DGKG: variants seen among roughly 807,000 people sequenced by gnomAD.
DGKG encodes DAG kinase gamma.
In DGKG, 78 loss-of-function variants were observed where a neutral mutation model predicts 105.3. The observed-to-expected ratio is 0.74, with a 90% CI of 0.62 to 0.89. The LOEUF (loss-of-function observed/expected upper bound fraction) is 0.89. Ranked by LOEUF, DGKG falls within the 40% of genes least tolerant of loss-of-function variation. The probability of loss-of-function intolerance (pLI) is 0.00; values close to 1 mark genes in which losing one functional copy is unlikely to be tolerated. For missense variants in DGKG, 958 were observed against 1,020.1 expected, an observed-to-expected ratio of 0.94 and a Z score of 0.83; for synonymous variants, 346 against 367.1, an observed-to-expected ratio of 0.94 and a Z score of 0.66.
At chr3:186,341,195 G>A (rs1726069111) in intron 1 of DGKG, among the ~76,000 whole-genome samples, 1 of 152,188 alleles carries the variant, frequency 6.6e-6, no homozygotes, top group African/African-American at 2.4e-5. Context: ...GGGATTCTGG[G>A]ATAACAAAGA....
chr3:186,325,546 A>G lies in DGKG; in HGVS notation c.-248-4839T>C, dbSNP rs7622990. 3.1e-3 allele frequency among the ~76,000 whole-genome samples: 467 copies of G among 152,238 alleles called. 2 individuals are homozygous for G. The highest frequency in any genetic ancestry group is 0.011 in the African/African-American group (448 of 41,544). On this transcript the variant is annotated intron_variant, in intron 1 of 24. Coordinates refer to ENST00000265022, the MANE Select transcript of DGKG (RefSeq NM_001346.3). ...TTATCCACTAGTTTTAGCGTCCACTAATGATTATTGCCTGGATTAATTATT... is the reference window on the plus strand; with the variant it reads ...TTATCCACTAGTTTTAGCGTCCACTGATGATTATTGCCTGGATTAATTATT...
At chr3:186,298,363 G>A in intron 3 of DGKG, 134 bp from the exon 4 acceptor site, 1 of 810,780 alleles carries the variant, frequency 1.2e-6, no homozygotes, top group Non-Finnish European at 1.9e-6. Flanking sequence ...AGGAGCTGAT[G>A]GGGACAGGAA....
At chr3:186,172,703 C>A (rs1243885810) in intron 22 of DGKG, among the ~76,000 whole-genome samples, 2 of 152,204 alleles carry the variant, frequency 1.3e-5, no homozygotes, top group Admixed American at 6.5e-5. Flanking sequence ...TAATAAATAG[C>A]CACTGATAGA....
intron 22 of DGKG, among the ~76,000 whole-genome samples, chr3:186,173,361 T>C (rs950878009): frequency 6.6e-6 from 1 of 152,262 alleles, no homozygotes; most frequent in African/African-American, 2.4e-5. Context: ...TCCCTTATCA[T>C]TGTGCTACTG....
chr3:186,149,357 G>T lies in DGKG; in HGVS notation c.*733C>A, dbSNP rs55948433. The T allele has an allele frequency of 4.8e-4, 475 of 985,350 alleles. 1 individual carries two copies. The African/African-American group carries it at 7.8e-3, about 16-fold the overall frequency. The allele number at this position is 985,350 out of a possible 1,614,324, so 61.0% of individuals were successfully genotyped here. On this transcript the variant is annotated 3_prime_UTR_variant, in exon 25 of 25. Coordinates refer to ENST00000265022, the MANE Select transcript of DGKG (RefSeq NM_001346.3). ...TAAGAAAATAAATACCACATCTAAG[G>T]TGTGCTATGCAGGCAGCTCTGGGGG... is the stretch of plus-strand genomic sequence containing the variant.
At chr3:186,320,201 T>C (rs1725014171) in intron 2 of DGKG, among the ~76,000 whole-genome samples, 192 bp downstream of exon 2, 1 of 152,246 alleles carries the variant, frequency 6.6e-6, no homozygotes, top group African/African-American at 2.4e-5. Context: ...GAGCACGTAG[T>C]ATTTACTGAG....
chr3:186,258,929 G>A (rs532119103), intron 16 of DGKG, among the ~76,000 whole-genome samples: 35 of 152,242 alleles, frequency 2.3e-4, no homozygotes, highest in African/African-American at 7.9e-4. Flanking sequence ...AAGAACCTCT[G>A]CTTTAGAATG....
intron 20 of DGKG, among the ~76,000 whole-genome samples, chr3:186,235,586 AT>A (rs1560107942): frequency 6.6e-6 from 1 of 152,214 alleles, no homozygotes; most frequent in Non-Finnish European, 1.5e-5. Flanking sequence ...GAAGGGTTTC[AT>A]TTTTAGATAT....
At chr3:186,352,655 C>T (rs188945578) in intron 1 of DGKG, among the ~76,000 whole-genome samples, 56 of 152,238 alleles carry the variant, frequency 3.7e-4, no homozygotes, top group South Asian at 6.2e-4. Context: ...CCACCTTTGG[C>T]TTCTCTGCCT....
At chr3:186,188,990 T>G (rs904091576) in intron 21 of DGKG, among the ~76,000 whole-genome samples, 2 of 151,942 alleles carry the variant, frequency 1.3e-5, no homozygotes, top group Admixed American at 1.3e-4. Context: ...AGTTTTTGTA[T>G]TTTTAGTAGA....
At chr3:186,288,967 A>G in intron 5 of DGKG, 87 bp from the exon 6 acceptor site, 1 of 1,336,172 alleles carries the variant, frequency 7.5e-7, no homozygotes, top group Non-Finnish European at 1.0e-6. Context: ...TTTTCATGGT[A>G]GAGGCAAGAA....
chr3:186,200,208 A>G (rs1718380997), intron 21 of DGKG, among the ~76,000 whole-genome samples: 1 of 152,234 alleles, frequency 6.6e-6, no homozygotes, highest in Admixed American at 6.5e-5. Context: ...ATACATCTCC[A>G]GCCCTATGAA....
chr3:186,358,135 AT>A (rs1727058564), intron 1 of DGKG, among the ~76,000 whole-genome samples: 1 of 152,270 alleles, frequency 6.6e-6, no homozygotes, highest in Non-Finnish European at 1.5e-5. Context: ...TTATTCGTTC[AT>A]TCGTCACATT....
chr3:186,328,277 T>C (rs947694583), intron 1 of DGKG, among the ~76,000 whole-genome samples: 2 of 152,242 alleles, frequency 1.3e-5, no homozygotes, highest in African/African-American at 4.8e-5. Context: ...TCTATTGCGG[T>C]GGTTGATGAT....
chr3:186,265,181 C>T lies in DGKG; in HGVS notation c.1269+66G>A, dbSNP rs114818762. ...ATGCTTTTCTGTAGAACCCAAACCC[C>T]GTCTTGCCCGCCACAGCCCTGGAAC... is the stretch of plus-strand genomic sequence containing the variant. On this transcript the variant is annotated intron_variant, in intron 14 of 24. Transcript: ENST00000265022. 2,902 of 1,508,644 alleles carry T rather than the reference C, an allele frequency of 1.9e-3. 59 individuals carry two copies. The African/African-American group carries it at 0.035, about 18-fold the overall frequency. The allele number at this position is 1,508,644 out of a possible 1,614,324, so 93.5% of individuals were successfully genotyped here.
At chr3:186,291,741 G>A (rs1723318487) in intron 5 of DGKG, among the ~76,000 whole-genome samples, 1 of 152,128 alleles carries the variant, frequency 6.6e-6, no homozygotes, top group Non-Finnish European at 1.5e-5. Context: ...ATGAAGGGTG[G>A]GCGGGTAAGG....
At position 186,160,103 on chromosome 3, in the gene DGKG, C is replaced by CGAAT. The variant is rs3049439; in HGVS notation, c.2277+1496_2277+1499dup. ...ATTCTATTATGGCACTCAAAGCAGA[C>CGAAT]GAATATACCTTTACATACGGATTTC... On this transcript the variant is annotated intron_variant, in intron 24 of 24. Coordinates refer to ENST00000265022, the MANE Select transcript of DGKG (RefSeq NM_001346.3). 0.036 allele frequency: 27,521 copies of CGAAT among 762,808 alleles called. 4,257 individuals carry two copies. In the African/African-American group the frequency reaches 0.39, roughly 11 times the overall value. The allele number at this position is 762,808 out of a possible 1,614,324, so 47.3% of individuals were successfully genotyped here.
At chr3:186,351,110 AGG>A (rs973135208) in intron 1 of DGKG, among the ~76,000 whole-genome samples, 2 of 152,182 alleles carry the variant, frequency 1.3e-5, no homozygotes, top group African/African-American at 4.8e-5. Flanking sequence ...TTTAATCTCC[AGG>A]CCAACTTTTC....
chr3:186,307,412 T>C (rs1266409801), intron 2 of DGKG, among the ~76,000 whole-genome samples: 2 of 152,222 alleles, frequency 1.3e-5, no homozygotes, highest in Non-Finnish European at 2.9e-5. Flanking sequence ...TCTCTCATGA[T>C]GTTTCTTCTC....
Sources: gnomAD v4.1 joint callset for allele counts (sites outside exome capture counted in the v4.1 genomes callset) on GRCh38, gnomAD v4.1.1 for gene constraint, MANE v1.5 for transcripts, NCBI Gene and HGNC (gene_info 2026-07-23, HGNC 2026-07-21) for gene names.